WDR20: variants seen among roughly 807,000 people sequenced by gnomAD.
WDR20 encodes WD repeat-containing protein 20.
Under a neutral mutation model 38.7 loss-of-function variants are expected in WDR20, and 3 were observed. The ratio of observed to expected loss-of-function variants is 0.08; its 90% CI spans 0.04 to 0.20. The LOEUF (loss-of-function observed/expected upper bound fraction) is 0.20. Among genes scored for constraint, WDR20 ranks in the 10% least tolerant of loss-of-function variants. The probability of loss-of-function intolerance (pLI) is 1.00; values close to 1 mark genes in which losing one functional copy is unlikely to be tolerated. For synonymous variants in WDR20, 298 were observed against 285.6 expected (o/e 1.04, Z -0.44); for missense variants, 559 against 727.7 (o/e 0.77, Z 2.67).
chr14:102,151,304 C>A (rs1339385251), intron 1 of WDR20, among the ~76,000 whole-genome samples: 5 of 150,800 alleles, frequency 3.3e-5, no homozygotes, highest in Non-Finnish European at 7.4e-5. Flanking sequence ...GCTTTTCTGT[C>A]AAAAAACGAA....
At chr14:102,171,255 CT>C (rs71468389) in intron 1 of WDR20, 56 of 119,206 alleles carry the variant, frequency 4.7e-4, no homozygotes, top group African/African-American at 1.3e-3. Flanking sequence ...TGGCCTCTCT[CT>C]TTTTTTTTTT....
At position 102,222,721 on chromosome 14, in the gene WDR20, C is replaced by T. The variant is rs1011958130; in HGVS notation, c.1693-109C>T. On this transcript the variant is annotated intron_variant, in intron 3 of 3. Transcript: ENST00000335263. The surrounding 1 kb of genome is among the most constrained non-coding windows in gnomAD (Gnocchi z 4.4). ...GGGTTTGCTCCCACACTGGCTTCCA[C>T]ATCAACAGCACCAGTTTTGACCACG... 25 of 1,165,496 alleles carry T rather than the reference C, an allele frequency of 2.1e-5. No homozygotes were observed. Among genetic ancestry groups the T allele is most frequent in the African/African-American group, 4.5e-5 (3 of 66,268 alleles). The allele number at this position is 1,165,496 out of a possible 1,614,324, so 72.2% of individuals were successfully genotyped here. A position where few individuals can be genotyped will look rare whatever the true frequency, so the allele number is the denominator to read the frequency against.
At chr14:102,200,467 T>TTTTTTTTTTTTGTGTGTG (rs748066838) in intron 2 of WDR20, among the ~76,000 whole-genome samples, 2 of 117,688 alleles carry the variant, frequency 1.7e-5, no homozygotes, top group African/African-American at 6.2e-5. Context: ...ATTTTTTTTT[T>TTTTTTTTTTTTGTGTGTG]TGTGTGTGTG....
chr14:102,203,343 G>A (rs972621677), intron 2 of WDR20, among the ~76,000 whole-genome samples: 53 of 152,254 alleles, frequency 3.5e-4, no homozygotes, highest in African/African-American at 1.2e-3. Flanking sequence ...CATATAACCA[G>A]TGTAAAAACT....
chr14:102,151,297 T>C (rs1446152084), intron 1 of WDR20, among the ~76,000 whole-genome samples: 1 of 151,988 alleles, frequency 6.6e-6, no homozygotes, highest in Non-Finnish European at 1.5e-5. Context: ...TACACGAGCT[T>C]TTCTGTCAAA....
At chr14:102,211,510 G>A (rs986466699), downstream of WDR20, among the ~76,000 whole-genome samples, 5 of 152,178 alleles carry the variant, frequency 3.3e-5, no homozygotes, top group African/African-American at 9.7e-5. This position sits in a 1 kb window ranked among gnomAD's most constrained non-coding sequence, Gnocchi z 4.2. Flanking sequence ...TGGCATGGCC[G>A]CGTGCTGCCA....
intron 1 of WDR20, among the ~76,000 whole-genome samples, chr14:102,151,726 CTTTTCTTTTCCT>C (rs1224165940): frequency 6.7e-6 from 1 of 149,898 alleles, no homozygotes; most frequent in African/African-American, 2.5e-5. Context: ...CATGGGTACT[CTTTTCTTTTCCT>C]TTTTCTTTTT....
At chr14:102,174,210 G>C (rs2061579829) in intron 1 of WDR20, among the ~76,000 whole-genome samples, 1 of 152,044 alleles carries the variant, frequency 6.6e-6, no homozygotes, top group Non-Finnish European at 1.5e-5. Context: ...ATATGCATGT[G>C]CAAGTGTCTT....
chr14:102,195,693 C>T (rs981433031), intron 2 of WDR20, among the ~76,000 whole-genome samples: 10 of 152,212 alleles, frequency 6.6e-5, no homozygotes, highest in Admixed American at 3.9e-4. Context: ...TTTCTAGTAT[C>T]TTCAATTTCA....
chr14:102,150,570 T>A (rs2055443302), intron 1 of WDR20, among the ~76,000 whole-genome samples: 1 of 152,228 alleles, frequency 6.6e-6, no homozygotes, highest in Admixed American at 6.5e-5. Flanking sequence ...TTTTCTTTAG[T>A]TGACTCACAG....
chr14:102,214,175 C>G (rs1299725296), downstream of WDR20: 6 of 985,508 alleles, frequency 6.1e-6, no homozygotes, highest in Non-Finnish European at 7.2e-6. Context: ...CTGGAGACGC[C>G]TCCTCCGGTC....
At chr14:102,141,713 A>T (rs377337317) in intron 1 of WDR20, among the ~76,000 whole-genome samples, 41 of 152,188 alleles carry the variant, frequency 2.7e-4, no homozygotes, top group African/African-American at 9.9e-4. Context: ...CACTCAGTAG[A>T]TGTAAAATAT....
intron 1 of WDR20, among the ~76,000 whole-genome samples, chr14:102,183,839 GAAC>G (rs1371241780): frequency 6.6e-6 from 1 of 152,232 alleles, no homozygotes; most frequent in Non-Finnish European, 1.5e-5. Flanking sequence ...CCAAAGGTTA[GAAC>G]AACAACAGTG....
At chr14:102,150,050 C>G (rs1370755809) in intron 1 of WDR20, among the ~76,000 whole-genome samples, 1 of 152,004 alleles carries the variant, frequency 6.6e-6, no homozygotes, top group African/African-American at 2.4e-5. Context: ...TAAAAACATG[C>G]CAAATCAGTT....
intron 1 of WDR20, chr14:102,157,447 C>T (rs2152752075): frequency 6.6e-6 from 1 of 152,256 alleles, no homozygotes; most frequent in African/African-American, 2.4e-5. Flanking sequence ...TACTTTCACT[C>T]AGCAGTTGCT....
chr14:102,202,366 A>G (rs1239446720), intron 2 of WDR20, among the ~76,000 whole-genome samples: 2 of 119,474 alleles, frequency 1.7e-5, no homozygotes, highest in African/African-American at 3.1e-5. Context: ...TGTGCCCTGT[A>G]TGGAGGTTTT....
At chr14:102,200,096 C>A (rs1239682633) in intron 2 of WDR20, among the ~76,000 whole-genome samples, 5 of 152,244 alleles carry the variant, frequency 3.3e-5, no homozygotes, top group Admixed American at 3.3e-4. Flanking sequence ...CTCCCTGGGA[C>A]TGTCCTCAGT....
chr14:102,185,831 G>A (rs1402822015), intron 1 of WDR20, among the ~76,000 whole-genome samples: 1 of 147,398 alleles, frequency 6.8e-6, no homozygotes, highest in African/African-American at 2.5e-5. Flanking sequence ...AAAAAAAAAA[G>A]CATTATATAT....
chr14:102,142,480 A>G (rs545282030), intron 1 of WDR20, among the ~76,000 whole-genome samples: 8 of 152,190 alleles, frequency 5.3e-5, no homozygotes, highest in Non-Finnish European at 8.8e-5. Context: ...TAGAGACAGG[A>G]TCTCATCCTG....
Sources: gnomAD v4.1 joint callset for allele counts (sites outside exome capture counted in the v4.1 genomes callset) on GRCh38, gnomAD v4.1.1 for gene constraint, Gnocchi (gnomAD v3.1) non-coding constraint, MANE v1.5 for transcripts, NCBI Gene and HGNC (gene_info 2026-07-23, HGNC 2026-07-21) for gene names.